The following SLC35F4 variants were observed in gnomAD, a reference collection of about 807,000 sequenced individuals.
SLC35F4 encodes chromosome 14 open reading frame 36.
SLC35F4 carries 24 observed loss-of-function variants against 44.2 expected under a neutral mutation model. The ratio of observed to expected loss-of-function variants is 0.54; its 90% CI spans 0.39 to 0.76. SLC35F4 has a LOEUF of 0.76. Among genes scored for constraint, SLC35F4 ranks in the 30% least tolerant of loss-of-function variants. SLC35F4 has a pLI of 0.00. For missense variants in SLC35F4, 562 were observed against 586.1 expected, an observed-to-expected ratio of 0.96 and a Z score of 0.42; for synonymous variants, 238 against 223.6, an observed-to-expected ratio of 1.06 and a Z score of -0.57.
chr14:57,692,127 G>C (rs75715283), intron 1 of SLC35F4, among the ~76,000 whole-genome samples: 229 of 152,300 alleles, frequency 1.5e-3, no homozygotes, highest in African/African-American at 5.4e-3. Flanking sequence ...TCCAGAAAAT[G>C]TTCAACAGAC....
At chr14:57,584,638 CACTATAGGTAGAGTG>C (rs1182945770) in intron 3 of SLC35F4, among the ~76,000 whole-genome samples, 1 of 152,122 alleles carries the variant, frequency 6.6e-6, no homozygotes, top group African/African-American at 2.4e-5. Context: ...ACTCTACATG[CACTATAGGTAGAGTG>C]CTAAATCAGA....
chr14:57,978,030 A>C (rs1438007872), intron 1 of SLC35F4, among the ~76,000 whole-genome samples: 3 of 152,222 alleles, frequency 2.0e-5, no homozygotes, highest in Middle Eastern at 3.2e-3. Context: ...GAGAAAGGGC[A>C]TGTGAATAAA....
At chr14:57,667,219 A>T (rs932535619) in intron 1 of SLC35F4, among the ~76,000 whole-genome samples, 2 of 151,796 alleles carry the variant, frequency 1.3e-5, no homozygotes, top group African/African-American at 4.9e-5. Flanking sequence ...GGAGGGAGGG[A>T]AGGAGAAGGA....
chr14:57,896,448 A>C (rs35570966), intron 1 of SLC35F4, among the ~76,000 whole-genome samples: 5,392 of 152,248 alleles, frequency 0.035, 165 homozygotes, highest in Non-Finnish European at 0.049. Context: ...GGAGGATATT[A>C]ACTGAGATGG....
intron 1 of SLC35F4, among the ~76,000 whole-genome samples, chr14:57,894,328 T>A (rs1409889962): frequency 6.6e-6 from 1 of 152,042 alleles, no homozygotes; most frequent in Non-Finnish European, 1.5e-5. Flanking sequence ...ATGAAGACAG[T>A]TGTACAAAAT....
chr14:57,843,745 AC>A (rs970371843), intron 1 of SLC35F4, among the ~76,000 whole-genome samples: 1 of 152,162 alleles, frequency 6.6e-6, no homozygotes, highest in Non-Finnish European at 1.5e-5. Context: ...CTGAAACTGT[AC>A]TTTTATTCAT....
chr14:57,811,084 G>T (rs1460292400), intron 1 of SLC35F4, among the ~76,000 whole-genome samples: 2 of 152,170 alleles, frequency 1.3e-5, no homozygotes, highest in Non-Finnish European at 2.9e-5. Context: ...CAGGAGAGGC[G>T]ACTCACTGAA....
intron 1 of SLC35F4, among the ~76,000 whole-genome samples, chr14:57,677,249 G>A (rs1185321576): frequency 6.6e-6 from 1 of 151,882 alleles, no homozygotes; most frequent in Non-Finnish European, 1.5e-5. Flanking sequence ...GGCCTTTGGG[G>A]ACTTGAGGGA....
chr14:57,693,189 T>TTC (rs2075283489), intron 1 of SLC35F4, among the ~76,000 whole-genome samples: 1 of 152,350 alleles, frequency 6.6e-6, no homozygotes, highest in African/African-American at 2.4e-5. Context: ...ATGTGTATAC[T>TTC]TCTCTGTAAA....
intron 1 of SLC35F4, among the ~76,000 whole-genome samples, chr14:57,796,371 G>A (rs982984391): frequency 5.3e-5 from 8 of 152,240 alleles, no homozygotes; most frequent in Non-Finnish European, 1.0e-4. Context: ...ATTTTCACCA[G>A]ATTTGTGGAA....
chr14:57,799,225 C>A (rs1331533685), intron 1 of SLC35F4, among the ~76,000 whole-genome samples: 8 of 152,168 alleles, frequency 5.3e-5, no homozygotes, highest in Non-Finnish European at 1.2e-4. Flanking sequence ...CCACCCCCAG[C>A]CAAAGGAAGC....
chr14:57,629,885 G>A (rs2072680399), intron 1 of SLC35F4: 2 of 409,860 alleles, frequency 4.9e-6, no homozygotes, highest in East Asian at 6.1e-5. Flanking sequence ...GCTCTAGGCT[G>A]AGACTCACAC....
intron 1 of SLC35F4, among the ~76,000 whole-genome samples, chr14:57,825,837 A>G (rs2140922513): frequency 6.6e-6 from 1 of 152,294 alleles, no homozygotes; most frequent in South Asian, 2.1e-4. Flanking sequence ...TTCAAGGAGA[A>G]CTACCTACCA....
At chr14:57,929,441 C>G (rs986305821) in intron 1 of SLC35F4, among the ~76,000 whole-genome samples, 2 of 151,912 alleles carry the variant, frequency 1.3e-5, no homozygotes, top group African/African-American at 4.8e-5. Flanking sequence ...CACCTTAGAG[C>G]GGGAGAGAAC....
chr14:57,682,690 T>C (rs1336994237), intron 1 of SLC35F4, among the ~76,000 whole-genome samples: 1 of 151,506 alleles, frequency 6.6e-6, no homozygotes, highest in African/African-American at 2.4e-5. Flanking sequence ...GGCAAAGAAA[T>C]TTTAAATTAT....
At chr14:57,907,094 A>G (rs552533405) in intron 1 of SLC35F4, among the ~76,000 whole-genome samples, 36 of 152,118 alleles carry the variant, frequency 2.4e-4, no homozygotes, top group Non-Finnish European at 3.8e-4. Flanking sequence ...TATTTATTTG[A>G]TTTTAGATAT....
intron 1 of SLC35F4, among the ~76,000 whole-genome samples, chr14:57,758,469 T>C (rs1236686246): frequency 1.3e-5 from 2 of 152,178 alleles, no homozygotes; most frequent in Non-Finnish European, 2.9e-5. Context: ...CTATTCAGTA[T>C]GTTTTTTATC....
chr14:57,719,037 T>C (rs2076014261), intron 1 of SLC35F4, among the ~76,000 whole-genome samples: 1 of 152,170 alleles, frequency 6.6e-6, no homozygotes, highest in African/African-American at 2.4e-5. Flanking sequence ...AGGGGCCAAG[T>C]TTCATTCTTC....
intron 1 of SLC35F4, among the ~76,000 whole-genome samples, chr14:57,594,822 T>C (rs929966394): frequency 6.6e-5 from 10 of 152,190 alleles, no homozygotes; most frequent in African/African-American, 1.9e-4. Flanking sequence ...TACTAGCCTC[T>C]ATCCGGTGTT....
Sources: gnomAD v4.1 joint callset for allele counts (sites outside exome capture counted in the v4.1 genomes callset) on GRCh38, gnomAD v4.1.1 for gene constraint, MANE v1.5 for transcripts, NCBI Gene and HGNC (gene_info 2026-07-23, HGNC 2026-07-21) for gene names.